The following VGLL4 variants were observed in gnomAD, a reference collection of about 807,000 sequenced individuals.
VGLL4 encodes the protein transcription cofactor vestigial-like protein 4.
A neutral mutation model predicts 21.0 loss-of-function variants in VGLL4; 7 were observed. The observed-to-expected ratio is 0.33, with a 90% confidence interval of 0.19 to 0.63. The LOEUF (loss-of-function observed/expected upper bound fraction) is 0.63, where lower values mean the gene tolerates loss of function less well. VGLL4 is among the 20% of genes least tolerant of loss of function. The pLI is 0.78. For synonymous variants in VGLL4, 222 were observed against 173.2 expected, an observed-to-expected ratio of 1.28 and a Z score of -2.21; for missense variants, 394 against 425.7, an observed-to-expected ratio of 0.93 and a Z score of 0.66.
chr3:11,622,417 C>CA (rs56790337), intron 1 of VGLL4, among the ~76,000 whole-genome samples: 6,645 of 148,790 alleles, frequency 0.045, 359 homozygotes, highest in African/African-American at 0.12. Flanking sequence ...ATGGTTTTTA[C>CA]AAAAAAAAAA....
chr3:11,581,647 T>C (rs2074231288), intron 2 of VGLL4, among the ~76,000 whole-genome samples: 1 of 152,200 alleles, frequency 6.6e-6, no homozygotes, highest in African/African-American at 2.4e-5. Context: ...AATCTCTAAT[T>C]GGTCCTGCAC....
chr3:11,585,647 A>T (rs1575417641), intron 2 of VGLL4, among the ~76,000 whole-genome samples: 2 of 152,204 alleles, frequency 1.3e-5, no homozygotes, highest in East Asian at 3.8e-4. Flanking sequence ...AACTGCTGGA[A>T]TTGTTGGCTA....
At chr3:11,581,869 C>A (rs1420786950) in intron 2 of VGLL4, among the ~76,000 whole-genome samples, 2 of 152,228 alleles carry the variant, frequency 1.3e-5, no homozygotes, top group Non-Finnish European at 2.9e-5. Flanking sequence ...ACCTTGTACT[C>A]CCCGAATCAG....
At chr3:11,610,822 C>A (rs936367680) in intron 1 of VGLL4, 4 of 152,198 alleles carry the variant, frequency 2.6e-5, no homozygotes, top group Non-Finnish European at 5.9e-5. Context: ...AGAAGCCTTC[C>A]TGTATCTTCT....
intron 1 of VGLL4, among the ~76,000 whole-genome samples, chr3:11,628,866 A>C (rs2075415841): frequency 6.6e-6 from 1 of 152,182 alleles, no homozygotes; most frequent in Admixed American, 6.6e-5. Context: ...TAATAACTTT[A>C]AATTTAAATA....
Position 11,580,504 on chromosome 3 carries a change from T to C in VGLL4, c.273-15485A>G, listed in dbSNP as rs181530318. On this transcript the variant is annotated intron_variant, in intron 2 of 4. Coordinates refer to ENST00000430365, the MANE Select transcript of VGLL4 (RefSeq NM_001128219.3). ...TCTCTGCTTTCAGTTATTTCGTGTG[T>C]ATACCTATAAGCAGAATTGCTGCAT... Among the ~76,000 whole-genome samples, 22 of 152,378 alleles carry C rather than the reference T, an allele frequency of 1.4e-4. No homozygotes were observed. In the East Asian group the frequency reaches 3.7e-3, roughly 25 times the overall value.
chr3:11,715,350 T>C (rs2076905538), intron 1 of VGLL4, among the ~76,000 whole-genome samples: 1 of 152,112 alleles, frequency 6.6e-6, no homozygotes, highest in South Asian at 2.1e-4. Flanking sequence ...TTTTTATTTT[T>C]TGAGATGGAG....
rs1270656099 is a variant in VGLL4 at position 11,601,938 on chromosome 3, G to A, written c.167C>T (p.Pro56Leu). 1.2e-6 allele frequency: 2 copies of A among 1,613,436 alleles called. No homozygotes were observed. The highest frequency in any genetic ancestry group is 1.7e-5 in the Admixed American group (1 of 59,910). ...ALSSHRTGPP[P>L]ISPSKRKFSM... ...GAACTTCCTCTTGCTGGGGCTGATT[G>A]GGGGAGGGCCGGTGCGGTGACTGCT... The change falls in exon 2 of 5, where the codon CCA becomes CTA. Residue 56 changes from proline to leucine, a missense_variant. Physicochemically the swap from Pro to Leu is moderately conservative, Grantham distance 98. Transcript: ENST00000430365.
At position 11,677,779 on chromosome 3, in the gene VGLL4, C is replaced by T. The variant is rs143418988; in HGVS notation, c.64+25192G>A. On this transcript the variant is annotated intron_variant, in intron 2 of 5. Transcript: ENST00000273038. ...AATTAGCCAGGCGTGGTGGCATGCA[C>T]CTGTAGTCCCAGCTACTTGAGAGGT... Among the ~76,000 whole-genome samples the T allele has an allele frequency of 6.4e-3, 968 of 151,994 alleles. 5 individuals are homozygous for T. The highest frequency in any genetic ancestry group is 0.02 in the African/African-American group (819 of 41,428).
intron 2 of VGLL4, among the ~76,000 whole-genome samples, chr3:11,595,708 T>C (rs1358413297): frequency 2.1e-3 from 311 of 151,702 alleles, no homozygotes; most frequent in Middle Eastern, 3.4e-3. Flanking sequence ...AAATTGGAAA[T>C]CATCATTCCC....
chr3:11,607,505 A>T (rs556522140), intron 1 of VGLL4: 3 of 152,176 alleles, frequency 2.0e-5, no homozygotes, highest in Non-Finnish European at 4.4e-5. Context: ...ATTGATTGTG[A>T]TAAAAGTTGC....
At chr3:11,564,319 CCAT>C (rs2125128364) in intron 3 of VGLL4, among the ~76,000 whole-genome samples, 1 of 152,290 alleles carries the variant, frequency 6.6e-6, no homozygotes, top group South Asian at 2.1e-4. Flanking sequence ...AACCCTGTGA[CCAT>C]CAACTGTGCA....
At chr3:11,717,513 T>TC (rs1433251167) in intron 1 of VGLL4, among the ~76,000 whole-genome samples, 1 of 148,374 alleles carries the variant, frequency 6.7e-6, no homozygotes, top group Non-Finnish European at 1.5e-5. Flanking sequence ...TTTTTTTTTT[T>TC]TGGTACAGTT....
At chr3:11,626,025 C>G (rs114422998) in intron 1 of VGLL4, among the ~76,000 whole-genome samples, 42 of 152,096 alleles carry the variant, frequency 2.8e-4, no homozygotes, top group African/African-American at 8.9e-4. Flanking sequence ...ATAATTTAAA[C>G]GAATGAATGG....
At chr3:11,679,160 C>T (rs2125378127) in intron 2 of VGLL4, among the ~76,000 whole-genome samples, 1 of 152,256 alleles carries the variant, frequency 6.6e-6, no homozygotes, top group South Asian at 2.1e-4. Context: ...TGTAAAACAA[C>T]CCCAGGCAGG....
intron 1 of VGLL4, among the ~76,000 whole-genome samples, chr3:11,637,786 A>G (rs2075615984): frequency 6.6e-6 from 1 of 152,250 alleles, no homozygotes; most frequent in South Asian, 2.1e-4. Context: ...GCTTTTAAAA[A>G]TAAGCAACCA....
chr3:11,585,059 C>T lies in VGLL4; in HGVS notation c.272+16774G>A, dbSNP rs558775188. 3.9e-5 allele frequency among the ~76,000 whole-genome samples: 6 copies of T among 152,300 alleles called. No homozygotes were observed. In the East Asian group the frequency reaches 9.6e-4, roughly 24 times the overall value. ...ACATCAAGTCAAAATCCCAAGAACACTTTTTATTATACATCAAATATGCTG... is the reference window on the plus strand; with the variant it reads ...ACATCAAGTCAAAATCCCAAGAACATTTTTTATTATACATCAAATATGCTG... On this transcript the variant is annotated intron_variant, in intron 2 of 4. Transcript: ENST00000430365.
chr3:11,655,750 G>A (rs949200033), intron 2 of VGLL4, among the ~76,000 whole-genome samples: 1 of 152,146 alleles, frequency 6.6e-6, no homozygotes, highest in East Asian at 1.9e-4. Flanking sequence ...GGCTGGTGGC[G>A]GGGGGTTTCT....
chr3:11,716,654 C>T (rs1266870221), intron 1 of VGLL4, among the ~76,000 whole-genome samples: 1 of 152,196 alleles, frequency 6.6e-6, no homozygotes, highest in East Asian at 1.9e-4. Context: ...TCTCTCTTTG[C>T]AAAAGTGCTA....
Sources: gnomAD v4.1 joint callset for allele counts (sites outside exome capture counted in the v4.1 genomes callset) on GRCh38, gnomAD v4.1.1 for gene constraint, MANE v1.5 for transcripts, NCBI Gene and HGNC (gene_info 2026-07-23, HGNC 2026-07-21) for gene names.